KCNIP4: variants seen among roughly 807,000 people sequenced by gnomAD.
KCNIP4 encodes the protein potassium voltage-gated channel interacting protein 4, also known as Kv channel-interacting protein 4.
In KCNIP4, 12 loss-of-function variants were observed where a neutral mutation model predicts 34.0. That is an observed-to-expected ratio of 0.35 (90% CI 0.23 to 0.57). The LOEUF (loss-of-function observed/expected upper bound fraction) is 0.57, where lower values mean the gene tolerates loss of function less well. Ranked by LOEUF, KCNIP4 falls within the 20% of genes least tolerant of loss-of-function variation. The pLI is 0.83. For synonymous variants in KCNIP4, 124 were observed against 102.2 expected (o/e 1.21, Z -1.29); for missense variants, 238 against 311.7 (o/e 0.76, Z 1.78).
At chr4:20,852,141 C>A (rs942139672) in intron 2 of KCNIP4, among the ~76,000 whole-genome samples, 1 of 148,332 alleles carries the variant, frequency 6.7e-6, no homozygotes, top group East Asian at 2.0e-4. Flanking sequence ...GAAGCATCAC[C>A]CTAATAACAA....
intron 5 of KCNIP4, among the ~76,000 whole-genome samples, chr4:20,738,344 T>G (rs762092865): frequency 5.9e-5 from 9 of 152,168 alleles, no homozygotes; most frequent in Non-Finnish European, 8.8e-5. Flanking sequence ...GAAAACATGC[T>G]TAGAGTATTG....
chr4:21,092,158 T>C (rs1747051789), intron 1 of KCNIP4, among the ~76,000 whole-genome samples: 1 of 152,190 alleles, frequency 6.6e-6, no homozygotes, highest in South Asian at 2.1e-4. Flanking sequence ...CTAGCATTTG[T>C]TGAGCATTTA....
chr4:21,052,320 G>A (rs1212997000), intron 1 of KCNIP4, among the ~76,000 whole-genome samples: 2 of 152,016 alleles, frequency 1.3e-5, no homozygotes, highest in Non-Finnish European at 2.9e-5. Context: ...TTGTACATAT[G>A]ACCAAAATGA....
At chr4:21,734,967 G>C (rs1481749314) in intron 1 of KCNIP4, among the ~76,000 whole-genome samples, 1 of 152,024 alleles carries the variant, frequency 6.6e-6, no homozygotes, top group Non-Finnish European at 1.5e-5. Context: ...TGTAAAGAGA[G>C]ACCAATAAGT....
intron 1 of KCNIP4, among the ~76,000 whole-genome samples, chr4:21,433,083 C>T (rs981197713): frequency 1.3e-5 from 2 of 152,096 alleles, no homozygotes; most frequent in Non-Finnish European, 2.9e-5. Flanking sequence ...ATTCTTTCAC[C>T]TATCATAAAA....
chr4:21,135,201 T>C (rs1323738294), intron 1 of KCNIP4, among the ~76,000 whole-genome samples: 1 of 152,220 alleles, frequency 6.6e-6, no homozygotes, highest in African/African-American at 2.4e-5. Flanking sequence ...TCTCTGCTGG[T>C]CAAAAGCATT....
At chr4:21,543,034 G>A (rs187456243) in intron 1 of KCNIP4, among the ~76,000 whole-genome samples, 442 of 151,788 alleles carry the variant, frequency 2.9e-3, no homozygotes, top group Non-Finnish European at 5.2e-3. Context: ...TACAACTTAC[G>A]TTACTAAAGG....
At position 21,860,994 on chromosome 4, in the gene KCNIP4, A is replaced by T. The variant is rs539225513; in HGVS notation, c.61+87577T>A. 8.5e-5 allele frequency among the ~76,000 whole-genome samples: 13 copies of T among 152,336 alleles called. No homozygotes were observed. The South Asian group carries it at 2.7e-3, about 32-fold the overall frequency. ...ACTCTCAGTGCTACAAATGGCAACT[A>T]TATTTTCCAGAGCAGAACAAACTAT... is the stretch of plus-strand genomic sequence containing the variant. On this transcript the variant is annotated intron_variant, in intron 1 of 8. Coordinates refer to ENST00000382152, the MANE Select transcript of KCNIP4 (RefSeq NM_025221.6).
At chr4:21,227,946 A>AT (rs959117763) in intron 1 of KCNIP4, among the ~76,000 whole-genome samples, 171 of 152,116 alleles carry the variant, frequency 1.1e-3, no homozygotes, top group African/African-American at 3.9e-3. Context: ...TTTGTTCCTT[A>AT]TTTTTTTTCT....
In KCNIP4 at chr4:20,919,634, C is replaced by A. The variant is rs536151420; in HGVS notation, c.62-36925G>T. ...AGGAGAATGGCGTGAACACGGGAGG[C>A]GGAGCTTGCCCTGAGCGGAGATGGC... On this transcript the variant is annotated intron_variant, in intron 1 of 8. Transcript: ENST00000382152. 6.9e-4 allele frequency among the ~76,000 whole-genome samples: 96 copies of A among 139,510 alleles called. 1 individual carries two copies. The highest frequency in any genetic ancestry group is 8.0e-3 in the Middle Eastern group (2 of 250). 91.5% of individuals were successfully genotyped at this position (139,510 alleles called of 152,430 possible).
At chr4:20,963,344 A>C (rs892211818) in intron 1 of KCNIP4, among the ~76,000 whole-genome samples, 3 of 146,514 alleles carry the variant, frequency 2.0e-5, no homozygotes, top group Admixed American at 1.4e-4. Flanking sequence ...AAAAAAAAAA[A>C]CAACAAAAAA....
chr4:21,656,521 A>T (rs990805715), intron 1 of KCNIP4: 1 of 152,196 alleles, frequency 6.6e-6, no homozygotes, highest in African/African-American at 2.4e-5. Flanking sequence ...GTTAGTTCTC[A>T]TTGAAATGAA....
At chr4:21,036,674 C>T (rs898254281) in intron 1 of KCNIP4, among the ~76,000 whole-genome samples, 5 of 152,048 alleles carry the variant, frequency 3.3e-5, no homozygotes, top group Admixed American at 6.5e-5. Context: ...TGCAGTGAGC[C>T]GAGATGGCAC....
At chr4:20,758,362 T>C (rs1754655817) in intron 4 of KCNIP4, among the ~76,000 whole-genome samples, 1 of 152,088 alleles carries the variant, frequency 6.6e-6, no homozygotes, top group Non-Finnish European at 1.5e-5. Flanking sequence ...AAAATCTAGG[T>C]TATAACCCAG....
intron 2 of KCNIP4, among the ~76,000 whole-genome samples, chr4:20,856,533 C>A (rs1344427340): frequency 6.6e-6 from 1 of 152,098 alleles, no homozygotes; most frequent in Non-Finnish European, 1.5e-5. Flanking sequence ...TTTTTGCAGA[C>A]AAGATCAATA....
At chr4:21,551,220 T>C (rs922962998) in intron 1 of KCNIP4, among the ~76,000 whole-genome samples, 2 of 152,152 alleles carry the variant, frequency 1.3e-5, no homozygotes, top group Non-Finnish European at 2.9e-5. Context: ...AACTTCCTTA[T>C]AAGGGCATCA....
intron 3 of KCNIP4, among the ~76,000 whole-genome samples, chr4:20,837,981 C>T (rs28703817): frequency 0.036 from 5,536 of 151,828 alleles, 326 homozygotes; most frequent in African/African-American, 0.12. Flanking sequence ...TGAGACACCA[C>T]GCCCGGCCTC....
intron 4 of KCNIP4, among the ~76,000 whole-genome samples, chr4:20,755,598 T>C (rs931105243): frequency 4.6e-5 from 7 of 152,018 alleles, no homozygotes; most frequent in Non-Finnish European, 8.8e-5. Flanking sequence ...GAAACAACAA[T>C]GGTACAAGTG....
intron 1 of KCNIP4, among the ~76,000 whole-genome samples, chr4:21,451,565 T>C (rs1728508188): frequency 6.6e-6 from 1 of 152,202 alleles, no homozygotes; most frequent in African/African-American, 2.4e-5. Flanking sequence ...AAAATGTGAA[T>C]GTCCTTTAAG....
Sources: allele counts gnomAD v4.1 joint callset (sites outside exome capture counted in the v4.1 genomes callset), GRCh38; gene constraint gnomAD v4.1.1; transcripts MANE v1.5; gene names NCBI Gene and HGNC (gene_info 2026-07-23, HGNC 2026-07-21).